PDZD2: variants seen among roughly 807,000 people sequenced by gnomAD.
PDZD2 encodes the protein PDZ domain-containing protein 2.
PDZD2 carries 90 observed loss-of-function variants against 220.7 expected under a neutral mutation model. The observed-to-expected ratio is 0.41, with a 90% CI of 0.34 to 0.49. The LOEUF is 0.49. Among genes scored for constraint, PDZD2 ranks in the 20% least tolerant of loss-of-function variants. The probability of loss-of-function intolerance (pLI) is 0.28; values close to 1 mark genes in which losing one functional copy is unlikely to be tolerated. For synonymous variants in PDZD2, 1,375 were observed against 1,450.5 expected (o/e 0.95, Z 1.18); for missense variants, 3,174 against 3,608.5 (o/e 0.88, Z 3.08).
intron 1 of PDZD2, among the ~76,000 whole-genome samples, chr5:31,789,218 CT>C (rs1753560392): frequency 1.3e-5 from 2 of 152,130 alleles, no homozygotes; most frequent in African/African-American, 4.8e-5. Context: ...AAAAGAGACC[CT>C]ATATGAAAGG....
chr5:32,054,330 T>TTTA (rs1208873401), intron 10 of PDZD2, among the ~76,000 whole-genome samples: 1 of 129,964 alleles, frequency 7.7e-6, no homozygotes, highest in African/African-American at 2.9e-5. Context: ...TTTTTTTTTT[T>TTTA]TTTTTTTTAA....
chr5:31,648,609 T>G (rs1457783841), intron 1 of PDZD2, among the ~76,000 whole-genome samples: 1 of 152,064 alleles, frequency 6.6e-6, no homozygotes, highest in African/African-American at 2.4e-5. Flanking sequence ...CCGGGCCACC[T>G]GAGGACACCC....
At chr5:31,640,536 C>T (rs965064057) in intron 1 of PDZD2, among the ~76,000 whole-genome samples, 4 of 152,216 alleles carry the variant, frequency 2.6e-5, no homozygotes, top group African/African-American at 9.7e-5. Context: ...GTAAGTGATG[C>T]CCTGATCTGT....
intron 10 of PDZD2, among the ~76,000 whole-genome samples, chr5:32,056,312 A>C (rs934756961): frequency 2.8e-5 from 4 of 145,214 alleles, no homozygotes; most frequent in African/African-American, 9.8e-5. Flanking sequence ...ACTCATCTAC[A>C]GGATTCCTTG....
intron 1 of PDZD2, among the ~76,000 whole-genome samples, chr5:31,656,428 A>G (rs1456604149): frequency 6.6e-6 from 1 of 152,008 alleles, no homozygotes; most frequent in Non-Finnish European, 1.5e-5. Flanking sequence ...TCCCAGACTC[A>G]GCTGGAACCT....
At chr5:31,681,264 T>C (rs1023710323) in intron 1 of PDZD2, among the ~76,000 whole-genome samples, 7 of 152,216 alleles carry the variant, frequency 4.6e-5, no homozygotes, top group African/African-American at 1.7e-4. Context: ...TTTGTTTTGT[T>C]GAGACAGAGT....
At position 31,918,362 on chromosome 5, in the gene PDZD2, T is replaced by G. The variant is rs147572924; in HGVS notation, c.477-64793T>G. Among the ~76,000 whole-genome samples, 412 of 152,290 alleles carry G rather than the reference T, an allele frequency of 2.7e-3. 1 individual carries two copies. The highest frequency in any genetic ancestry group is 9.7e-3 in the African/African-American group (405 of 41,558). The stretch of plus-strand genomic sequence containing the variant: ...ATGTTCCATTGGAAATGTCAATTCC[T>G]TACATATGACACAGAACCAACTAGG... On this transcript the variant is annotated intron_variant, in intron 2 of 24. Coordinates refer to ENST00000438447, the MANE Select transcript of PDZD2 (RefSeq NM_178140.4).
intron 2 of PDZD2, among the ~76,000 whole-genome samples, chr5:31,978,523 T>C (rs530269370): frequency 6.6e-6 from 1 of 152,108 alleles, no homozygotes; most frequent in Admixed American, 6.5e-5. Flanking sequence ...ATCGAGACCA[T>C]CCTGGCTAAC....
chr5:31,769,802 C>A (rs1014312859), intron 1 of PDZD2, among the ~76,000 whole-genome samples: 4 of 152,170 alleles, frequency 2.6e-5, no homozygotes, highest in African/African-American at 4.8e-5. Context: ...AGTCACTTAG[C>A]TCATCAACAC....
chr5:31,973,119 C>T lies in PDZD2; in HGVS notation c.477-10036C>T, dbSNP rs548574260. Among the ~76,000 whole-genome samples the T allele has an allele frequency of 3.3e-4, 51 of 152,260 alleles. 1 individual carries two copies. Among genetic ancestry groups the T allele is most frequent in the South Asian group, 1.7e-3 (8 of 4,828 alleles). The stretch of plus-strand genomic sequence containing the variant: ...CAACAGGTGTATGGGTGCTGTAAAA[C>T]GCTTTTATTGATTCATAAAGAAAGG... On this transcript the variant is annotated intron_variant, in intron 2 of 24. Transcript: ENST00000438447.
chr5:31,938,084 C>T (rs768630426), intron 2 of PDZD2, among the ~76,000 whole-genome samples: 1 of 152,158 alleles, frequency 6.6e-6, no homozygotes, highest in African/African-American at 2.4e-5. Context: ...TGTTGATTTC[C>T]GCCCCCATTT....
chr5:32,079,973 C>T (rs1013792005), intron 19 of PDZD2, among the ~76,000 whole-genome samples: 9 of 152,120 alleles, frequency 5.9e-5, no homozygotes, highest in African/African-American at 2.2e-4. Context: ...GTTTCTCTTT[C>T]GGGTTCACAT....
chr5:31,960,353 G>C (rs1748105118), intron 2 of PDZD2, among the ~76,000 whole-genome samples: 1 of 152,002 alleles, frequency 6.6e-6, no homozygotes, highest in South Asian at 2.1e-4. Context: ...GAGTAGCTGG[G>C]ATTACAGGAT....
At chr5:32,047,468 G>T (rs976433228) in intron 7 of PDZD2, among the ~76,000 whole-genome samples, 4 of 152,200 alleles carry the variant, frequency 2.6e-5, no homozygotes, top group Non-Finnish European at 4.4e-5. Context: ...GCAAGCTCTA[G>T]TCCACAGCTT....
chr5:31,977,330 C>T (rs1425455821), intron 2 of PDZD2, among the ~76,000 whole-genome samples: 3 of 152,160 alleles, frequency 2.0e-5, no homozygotes, highest in Non-Finnish European at 4.4e-5. Context: ...AGTCAAATAT[C>T]AAAACTATAC....
intron 2 of PDZD2, among the ~76,000 whole-genome samples, chr5:31,870,547 G>C (rs1738693978): frequency 1.3e-5 from 2 of 152,178 alleles, no homozygotes; most frequent in Non-Finnish European, 2.9e-5. Context: ...ACAGTAGCAA[G>C]TGTCAGGTTT....
At chr5:32,067,711 TCTTA>T (rs1331479662) in intron 14 of PDZD2, among the ~76,000 whole-genome samples, 9 of 152,216 alleles carry the variant, frequency 5.9e-5, no homozygotes, top group Non-Finnish European at 1.2e-4. Flanking sequence ...CTCCACATTT[TCTTA>T]CTATTTTAAT....
intron 2 of PDZD2, chr5:31,855,160 G>C: frequency 1.0e-6 from 1 of 972,012 alleles, no homozygotes. Flanking sequence ...GGTGACTTCA[G>C]AACTGGAGGT....
intron 2 of PDZD2, among the ~76,000 whole-genome samples, chr5:31,930,248 C>G (rs1228869459): frequency 7.1e-6 from 1 of 140,912 alleles, no homozygotes; most frequent in Non-Finnish European, 1.5e-5. Context: ...CTCTGTCGCC[C>G]AGGCTGGGGT....
Sources: allele counts gnomAD v4.1 joint callset (sites outside exome capture counted in the v4.1 genomes callset), GRCh38; gene constraint gnomAD v4.1.1; transcripts MANE v1.5; gene names NCBI Gene and HGNC (gene_info 2026-07-23, HGNC 2026-07-21).